ADAR: variants seen among roughly 807,000 people sequenced by gnomAD.
ADAR encodes double-stranded RNA-specific adenosine deaminase.
Under a neutral mutation model 113.2 loss-of-function variants are expected in ADAR, and 41 were observed. The observed-to-expected ratio is 0.36, with a 90% CI of 0.28 to 0.47. The LOEUF is 0.47. ADAR is among the 20% of genes least tolerant of loss of function. The pLI is 1.00. For missense variants in ADAR, 1,242 were observed against 1,540.9 expected (o/e 0.81, Z 3.25); for synonymous variants, 605 against 572.6 (o/e 1.06, Z -0.81).
At chr1:154,607,516 G>T (rs552103080) in intron 1 of ADAR, among the ~76,000 whole-genome samples, 1 of 139,594 alleles carries the variant, frequency 7.2e-6, no homozygotes, top group Non-Finnish European at 1.6e-5. Context: ...TGTTCAAGTG[G>T]GGCTAAAGCG....
chr1:154,608,145 A>G lies in ADAR; in HGVS notation c.-139T>C. On this transcript the variant is annotated 5_prime_UTR_variant, in exon 1 of 15. Coordinates refer to ENST00000368474, the MANE Select transcript of ADAR (RefSeq NM_001111.5). ...TGGCCCCGGGGCGTCGGCACGGGAAACTCCGCGGGTCTGCGCGCCGGGCCC... is the reference window on the plus strand; with the variant it reads ...TGGCCCCGGGGCGTCGGCACGGGAAGCTCCGCGGGTCTGCGCGCCGGGCCC... The G allele has an allele frequency of 1.8e-6, 2 of 1,119,210 alleles. No individual in the cohort carries two copies. The highest frequency in any genetic ancestry group is 3.1e-5 in the East Asian group (1 of 32,470). 69.3% of individuals were successfully genotyped at this position (1,119,210 alleles called of 1,614,324 possible). A position where few individuals can be genotyped will look rare whatever the true frequency, so the allele number is the denominator to read the frequency against.
At chr1:154,624,723 G>A (rs1043441749) in intron 1 of ADAR, among the ~76,000 whole-genome samples, 1 of 152,138 alleles carries the variant, frequency 6.6e-6, no homozygotes, top group African/African-American at 2.4e-5. Context: ...GAAAACTCAA[G>A]CAGTTGTACC....
chr1:154,602,347 G>A lies in ADAR; in HGVS notation c.295C>T (p.Leu99Phe). 6.2e-7 allele frequency: 1 copy of A among 1,609,020 alleles called. No homozygotes were observed. The highest frequency in any genetic ancestry group is 8.5e-7 in the Non-Finnish European group (1 of 1,177,340). ...CCTCTCTGGAGCCCCTGACTTCTGAGATGCACGCCCCTGGGGACACCCCTG... is the reference window on the plus strand; with the variant it reads ...CCTCTCTGGAGCCCCTGACTTCTGAAATGCACGCCCCTGGGGACACCCCTG... ...DIRGVPRGVH[L>F]RSQGLQRGFQ... The change falls in exon 2 of 15, where the codon CTC becomes TTC. Residue 99 changes from leucine to phenylalanine, a missense_variant. Around this residue, in one of 2 missense-constraint regions of ADAR, gnomAD observed 462 missense variants for 483.1 expected, o/e 0.96. Transcript: ENST00000368474.
rs1333285109 is a variant in ADAR, at chr1:154,582,569, A to C, written c.*2237T>G. The C allele has an allele frequency of 1.3e-5, 2 of 152,156 alleles. No individual in the cohort carries two copies. The highest frequency in any genetic ancestry group is 2.4e-5 in the African/African-American group (1 of 41,386). 9.4% of individuals were successfully genotyped at this position (152,156 alleles called of 1,614,324 possible). A position where few individuals can be genotyped will look rare whatever the true frequency, so the allele number is the denominator to read the frequency against. On this transcript the variant is annotated 3_prime_UTR_variant, in exon 15 of 15. Coordinates refer to ENST00000368474, the MANE Select transcript of ADAR (RefSeq NM_001111.5). ...ATGCCTCGCTCTCTTCCTACAACAG[A>C]AACTGAATACTACAGGCTTGCTAGA... is the stretch of plus-strand genomic sequence containing the variant.
At chr1:154,604,381 C>T (rs1273763238) in intron 1 of ADAR, among the ~76,000 whole-genome samples, 2 of 152,198 alleles carry the variant, frequency 1.3e-5, no homozygotes, top group Non-Finnish European at 2.9e-5. Flanking sequence ...CTTCACACAC[C>T]TCCTCACCCC....
chr1:154,594,951 T>C (rs995825499), intron 6 of ADAR, among the ~76,000 whole-genome samples: 4 of 152,252 alleles, frequency 2.6e-5, no homozygotes, highest in South Asian at 2.1e-4. Context: ...GAAACTGGTA[T>C]AGTCATGTAC....
intron 13 of ADAR, 107 bp from the exon 14 acceptor site, chr1:154,585,451 T>C (rs968910144): frequency 8.5e-6 from 13 of 1,535,848 alleles, no homozygotes; most frequent in Non-Finnish European, 1.2e-5. Context: ...GGTCATGATC[T>C]TTCCCCTGTA....
At chr1:154,590,104 T>TGACAGCAAGA (rs1405439418) in intron 7 of ADAR, 80 bp downstream of exon 7, 3 of 1,526,220 alleles carry the variant, frequency 2.0e-6, no homozygotes, top group Non-Finnish European at 2.7e-6. Context: ...ATAACTCGCA[T>TGACAGCAAGA]GACAGCAAGA....
In ADAR at chr1:154,584,603, G is replaced by T; in HGVS notation, c.*203C>A. 3.5e-6 allele frequency: 2 copies of T among 577,620 alleles called. No homozygotes were observed. Among genetic ancestry groups the T allele is most frequent in the Non-Finnish European group, 6.1e-6 (2 of 326,378 alleles). The allele number at this position is 577,620 out of a possible 1,614,324, so 35.8% of individuals were successfully genotyped here. A position where few individuals can be genotyped will look rare whatever the true frequency, so the allele number is the denominator to read the frequency against. ...TGCCTCTTCACTTGGGGGAAAAAAG[G>T]GGGGCCTGGCCAGACCTTGCCTAGC... On this transcript the variant is annotated 3_prime_UTR_variant, in exon 15 of 15. Coordinates refer to ENST00000368474, the MANE Select transcript of ADAR (RefSeq NM_001111.5).
intron 1 of ADAR, among the ~76,000 whole-genome samples, chr1:154,627,203 T>C (rs1329775731): frequency 1.3e-5 from 2 of 152,156 alleles, no homozygotes; most frequent in Non-Finnish European, 2.9e-5. Context: ...GATTACCCTC[T>C]AGTGGGGCCC....
In ADAR at chr1:154,604,088, G is replaced by A. The variant is rs141831062; in HGVS notation, c.16-1462C>T. 5.4e-3 allele frequency among the ~76,000 whole-genome samples: 824 copies of A among 152,206 alleles called. 5 individuals carry two copies. Among genetic ancestry groups the A allele is most frequent in the African/African-American group, 0.019 (787 of 41,506 alleles). On this transcript the variant is annotated intron_variant, in intron 1 of 14. Transcript: ENST00000368474. ...CAAATCCTGCAACTCTTTTCCAGTGGCTGATAAACTTTTTCTATAAAGGGC... is the reference window on the plus strand; with the variant it reads ...CAAATCCTGCAACTCTTTTCCAGTGACTGATAAACTTTTTCTATAAAGGGC...
At position 154,584,920 on chromosome 1, in the gene ADAR, G is replaced by C; in HGVS notation, c.3567C>G (p.Ala1189=). 1 of 1,614,074 alleles carries C rather than the reference G, an allele frequency of 6.2e-7. No homozygotes were observed. The highest frequency in any genetic ancestry group is 8.5e-7 in the Non-Finnish European group (1 of 1,180,012). ...AGTTCTTGGCCGTCTCGTAGTCACG[G>C]GCAGCTTTCTTGGCCTCACCATAGG... ...RLSYGEAKKA[A]RDYETAKNYF... The change falls in exon 15 of 15, where the codon GCC becomes GCG. Residue 1189 remains alanine, a synonymous_variant. Transcript: ENST00000368474.
rs1432489660 is a variant in ADAR at position 154,582,710 on chromosome 1, G to A, written c.*2096C>T. 2 of 152,312 alleles carry A rather than the reference G, an allele frequency of 1.3e-5. No homozygotes were observed. Among genetic ancestry groups the A allele is most frequent in the Admixed American group, 6.5e-5 (1 of 15,286 alleles). 9.4% of individuals were successfully genotyped at this position (152,312 alleles called of 1,614,324 possible). On this transcript the variant is annotated 3_prime_UTR_variant, in exon 15 of 15. Coordinates refer to ENST00000368474, the MANE Select transcript of ADAR (RefSeq NM_001111.5). Reference sequence around the variant, plus strand: ...AACCTAATGCCCAAGATGGACCAGAGAGGCCAAACAACCTGAGGACTCAGC... The same window carrying A: ...AACCTAATGCCCAAGATGGACCAGAAAGGCCAAACAACCTGAGGACTCAGC...
At chr1:154,623,763 G>A (rs1698857948) in intron 1 of ADAR, among the ~76,000 whole-genome samples, 1 of 152,194 alleles carries the variant, frequency 6.6e-6, no homozygotes, top group Non-Finnish European at 1.5e-5. Context: ...AGCACTTTGG[G>A]AGGCTGAGGC....
Position 154,594,240 on chromosome 1 carries a change from C to T in ADAR, c.2270+2565G>A, listed in dbSNP as rs140086876. On this transcript the variant is annotated intron_variant, in intron 6 of 14. Transcript: ENST00000368474. ...AGTAACAAGATAGCATTTTTATAAG[C>T]TTTTTTCCTTAATGACTTTAAAATG... Among the ~76,000 whole-genome samples, 11 of 152,268 alleles carry T rather than the reference C, an allele frequency of 7.2e-5. No individual in the cohort carries two copies. The East Asian group carries it at 2.1e-3, about 29-fold the overall frequency.
chr1:154,627,272 G>A (rs1698967629), intron 1 of ADAR, among the ~76,000 whole-genome samples: 1 of 152,220 alleles, frequency 6.6e-6, no homozygotes, highest in African/African-American at 2.4e-5. Flanking sequence ...TCCTGCACCA[G>A]GCCAGACAGG....
chr1:154,601,114 CT>C lies in ADAR; in HGVS notation c.1527del (p.Glu510AsnfsTer14). ...GTTTGACTAGCGAACTGGGCATATT[CT>C]AACAGCCCGCTGATGGGGTTCTTCA... ...CQLKNPISGL[L>X]EYAQFASQTC... On this transcript the variant is annotated frameshift_variant, in exon 2 of 15. Transcript: ENST00000368474. LOFTEE classifies it high-confidence loss of function. This position sits in a 1 kb window ranked among gnomAD's most constrained non-coding sequence, Gnocchi z 4.7. 1 of 1,614,230 alleles carries C rather than the reference CT, an allele frequency of 6.2e-7. No homozygotes were observed. The highest frequency in any genetic ancestry group is 8.5e-7 in the Non-Finnish European group (1 of 1,180,046).
At chr1:154,626,321 G>A (rs1698938106) in intron 1 of ADAR, among the ~76,000 whole-genome samples, 2 of 151,852 alleles carry the variant, frequency 1.3e-5, no homozygotes, top group South Asian at 4.1e-4. Context: ...CACCATGTTG[G>A]CCAGGCTGGT....
intron 11 of ADAR, among the ~76,000 whole-genome samples, 200 bp from the exon 12 acceptor site, chr1:154,586,563 C>T (rs1696777640): frequency 6.6e-6 from 1 of 152,214 alleles, no homozygotes; most frequent in African/African-American, 2.4e-5. Context: ...TCTTTGTGCT[C>T]TTAAAACATC....
Sources: gnomAD v4.1 joint callset for allele counts (sites outside exome capture counted in the v4.1 genomes callset) on GRCh38, gnomAD v4.1.1 for gene constraint, gnomAD v4.1.1 regional missense constraint, Gnocchi (gnomAD v3.1) non-coding constraint, MANE v1.5 for transcripts, NCBI Gene and HGNC (gene_info 2026-07-23, HGNC 2026-07-21) for gene names.